Variants in RFX3 observed in about 807,000 individuals in gnomAD.
RFX3 encodes regulatory factor X3.
Under a neutral mutation model 98.6 loss-of-function variants are expected in RFX3, and 14 were observed. The ratio of observed to expected loss-of-function variants is 0.14; its 90% CI spans 0.09 to 0.22. The LOEUF (loss-of-function observed/expected upper bound fraction) is 0.22. Among genes scored for constraint, RFX3 ranks in the 10% least tolerant of loss-of-function variants. The pLI, the probability that RFX3 is intolerant of heterozygous loss-of-function variation, is 1.00. For missense variants in RFX3, 639 were observed against 926.9 expected, an observed-to-expected ratio of 0.69 and a Z score of 4.03; for synonymous variants, 383 against 328.4, an observed-to-expected ratio of 1.17 and a Z score of -1.80.
At chr9:3,518,691 A>T (rs1818417451) in intron 1 of RFX3, among the ~76,000 whole-genome samples, 1 of 152,216 alleles carries the variant, frequency 6.6e-6, no homozygotes, top group Admixed American at 6.5e-5. Flanking sequence ...TTTAATAATT[A>T]AGCAGCCAAC....
At chr9:3,491,990 C>T (rs1355852953) in intron 1 of RFX3, among the ~76,000 whole-genome samples, 2 of 152,104 alleles carry the variant, frequency 1.3e-5, no homozygotes, top group African/African-American at 4.8e-5. Context: ...ACCCACAAGA[C>T]CTTATTTTCC....
chr9:3,486,697 A>T (rs1157689855), intron 1 of RFX3, among the ~76,000 whole-genome samples: 1 of 152,198 alleles, frequency 6.6e-6, no homozygotes, highest in Non-Finnish European at 1.5e-5. Flanking sequence ...GCTCATATCT[A>T]AAAGTACAAA....
Position 3,450,233 on chromosome 9 carries a change from G to A in RFX3, c.-8-54637C>T, listed in dbSNP as rs1415222720. 5.3e-5 allele frequency among the ~76,000 whole-genome samples: 8 copies of A among 152,158 alleles called. No individual in the cohort carries two copies. In the East Asian group the frequency reaches 1.5e-3, roughly 29 times the overall value. On this transcript the variant is annotated intron_variant, in intron 1 of 16. Transcript: ENST00000617270. ...CCTTTAAAACCTCTAAAAATGAGTTGTTTGATCTATGTGAAAATACCTCAG... is the reference window on the plus strand; with the variant it reads ...CCTTTAAAACCTCTAAAAATGAGTTATTTGATCTATGTGAAAATACCTCAG...
intron 11 of RFX3, among the ~76,000 whole-genome samples, chr9:3,269,823 C>T (rs1365032571): frequency 3.3e-5 from 5 of 152,040 alleles, no homozygotes; most frequent in Non-Finnish European, 7.4e-5. Flanking sequence ...AAAGTAAATG[C>T]TTTTATAATG....
chr9:3,407,499 AG>A (rs1291172261), intron 1 of RFX3, among the ~76,000 whole-genome samples: 1 of 152,168 alleles, frequency 6.6e-6, no homozygotes, highest in Non-Finnish European at 1.5e-5. Context: ...AACTAGAAAT[AG>A]GCAGAGTGAG....
At chr9:3,473,165 A>G (rs1848931573) in intron 1 of RFX3, among the ~76,000 whole-genome samples, 1 of 152,184 alleles carries the variant, frequency 6.6e-6, no homozygotes, top group Admixed American at 6.5e-5. Flanking sequence ...ATCTCCACAC[A>G]TAATTGGATT....
intron 1 of RFX3, among the ~76,000 whole-genome samples, chr9:3,415,657 G>A (rs1842920397): frequency 6.6e-6 from 1 of 152,034 alleles, no homozygotes; most frequent in African/African-American, 2.4e-5. Context: ...GTTCTTCTCT[G>A]TACACAGTCT....
intron 14 of RFX3, among the ~76,000 whole-genome samples, chr9:3,256,069 C>T (rs750018314): frequency 1.3e-5 from 2 of 152,072 alleles, no homozygotes; most frequent in Non-Finnish European, 2.9e-5. Flanking sequence ...CGGGTTCACG[C>T]CATTCTCCTG....
At chr9:3,359,156 G>A (rs577259062) in intron 2 of RFX3, among the ~76,000 whole-genome samples, 1 of 151,772 alleles carries the variant, frequency 6.6e-6, no homozygotes, top group East Asian at 1.9e-4. Context: ...AATTTGAGAA[G>A]GGATTTTTTT....
At chr9:3,406,469 C>T (rs1454778678) in intron 1 of RFX3, among the ~76,000 whole-genome samples, 1 of 152,006 alleles carries the variant, frequency 6.6e-6, no homozygotes, top group African/African-American at 2.4e-5. Context: ...ACTATCTTTA[C>T]TCAGTACACA....
At chr9:3,322,139 T>C (rs1831392293) in intron 4 of RFX3, among the ~76,000 whole-genome samples, 1 of 152,130 alleles carries the variant, frequency 6.6e-6, no homozygotes, top group Admixed American at 6.5e-5. Context: ...ATGAACAGCC[T>C]TTCTTGTCAA....
At chr9:3,262,725 T>C (rs1181907479) in intron 13 of RFX3, among the ~76,000 whole-genome samples, 2 of 152,330 alleles carry the variant, frequency 1.3e-5, no homozygotes, top group East Asian at 3.9e-4. Flanking sequence ...TTACGTTGTC[T>C]TTTAGGACTG....
intron 2 of RFX3, among the ~76,000 whole-genome samples, chr9:3,369,583 A>G (rs1158338123): frequency 6.6e-6 from 1 of 152,238 alleles, no homozygotes; most frequent in East Asian, 1.9e-4. Context: ...AATAAAAGTA[A>G]TTGAAATGGT....
At chr9:3,404,506 C>T (rs1411351285) in intron 1 of RFX3, among the ~76,000 whole-genome samples, 1 of 152,110 alleles carries the variant, frequency 6.6e-6, no homozygotes, top group East Asian at 1.9e-4. Flanking sequence ...GGATGGCTGT[C>T]CTTCCAATTT....
chr9:3,506,323 T>C (rs531147629), intron 1 of RFX3, among the ~76,000 whole-genome samples: 2 of 151,816 alleles, frequency 1.3e-5, no homozygotes, highest in South Asian at 2.1e-4. Context: ...AATGCAAACA[T>C]GGATCTCACT....
At chr9:3,245,612 G>A (rs976396114) in intron 15 of RFX3, among the ~76,000 whole-genome samples, 4 of 152,188 alleles carry the variant, frequency 2.6e-5, no homozygotes, top group African/African-American at 9.7e-5. Flanking sequence ...GAATGCTCAC[G>A]TGTCTGGTAT....
intron 4 of RFX3, among the ~76,000 whole-genome samples, chr9:3,320,033 A>G (rs1014667631): frequency 1.3e-5 from 2 of 152,220 alleles, no homozygotes; most frequent in African/African-American, 4.8e-5. Flanking sequence ...ACCTAGGATC[A>G]GGGTTTAATG....
intron 7 of RFX3, among the ~76,000 whole-genome samples, chr9:3,284,822 A>G (rs1381913539): frequency 6.6e-6 from 1 of 151,668 alleles, no homozygotes; most frequent in East Asian, 1.9e-4. Flanking sequence ...TATCTTTTCA[A>G]CTAACTGAAA....
chr9:3,360,940 T>C (rs1421376442), intron 2 of RFX3, among the ~76,000 whole-genome samples: 4 of 152,198 alleles, frequency 2.6e-5, no homozygotes, highest in African/African-American at 9.6e-5. Context: ...ACTAGTCTCT[T>C]TGTAAAAATT....
Sources: allele counts gnomAD v4.1 joint callset (sites outside exome capture counted in the v4.1 genomes callset), GRCh38; gene constraint gnomAD v4.1.1; transcripts MANE v1.5; gene names NCBI Gene and HGNC (gene_info 2026-07-23, HGNC 2026-07-21).